The following CUX1 variants were observed in gnomAD, a reference collection of about 807,000 sequenced individuals.
CUX1 encodes the protein protein CASP.
CUX1 carries 31 observed loss-of-function variants against 158.8 expected under a neutral mutation model. That is an observed-to-expected ratio of 0.20 (90% CI 0.15 to 0.26). The LOEUF is 0.26. Among genes scored for constraint, CUX1 ranks in the 10% least tolerant of loss-of-function variants. The pLI is 1.00. For missense variants in CUX1, 1,589 were observed against 2,014.6 expected (o/e 0.79, Z 4.04); for synonymous variants, 879 against 862.1 (o/e 1.02, Z -0.34).
At chr7:101,881,233 A>G (rs1367593147) in intron 1 of CUX1, among the ~76,000 whole-genome samples, 1 of 152,264 alleles carries the variant, frequency 6.6e-6, no homozygotes, top group East Asian at 1.9e-4. Context: ...AATGATCTTA[A>G]TAACACATGA....
chr7:102,056,718 C>T (rs1824175287), intron 3 of CUX1, among the ~76,000 whole-genome samples: 1 of 150,690 alleles, frequency 6.6e-6, no homozygotes, highest in Admixed American at 6.6e-5. Context: ...TTACAGGCTC[C>T]CACCACCATG....
chr7:102,200,281 G>A, intron 17 of CUX1, 109 bp downstream of exon 17: 1 of 824,600 alleles, frequency 1.2e-6, no homozygotes, highest in Non-Finnish European at 1.9e-6. Context: ...AATAATGAAT[G>A]CCTGTTCTCA....
intron 1 of CUX1, among the ~76,000 whole-genome samples, chr7:101,886,650 C>T (rs865999764): frequency 1.3e-5 from 2 of 152,174 alleles, no homozygotes; most frequent in Admixed American, 6.5e-5. Flanking sequence ...AGGACCCACA[C>T]GTGCACTGCA....
chr7:102,278,372 C>A lies in CUX1; in HGVS notation c.1680+307C>A, dbSNP rs570466001. On this transcript the variant is annotated intron_variant, in intron 18 of 22. Transcript: ENST00000292538. ...TGGGAGGCCGAGGCAGGAGAATTGC[C>A]TGAGCTCAGAAGTTCGAGACCAGCC... Among the ~76,000 whole-genome samples, 5 of 152,004 alleles carry A rather than the reference C, an allele frequency of 3.3e-5. No homozygotes were observed. In the South Asian group the frequency reaches 1.0e-3, roughly 32 times the overall value.
intron 1 of CUX1, among the ~76,000 whole-genome samples, chr7:101,894,571 C>CA (rs1480395710): frequency 6.6e-6 from 1 of 152,204 alleles, no homozygotes; most frequent in East Asian, 1.9e-4. Context: ...CTCGGCCTCC[C>CA]AAAGTGCTGG....
intron 1 of CUX1, among the ~76,000 whole-genome samples, chr7:101,834,165 CTTTTTTTTTTTTT>C (rs575992276): frequency 1.5e-4 from 11 of 71,080 alleles, no homozygotes; most frequent in African/African-American, 5.2e-4. Context: ...CTGATTGTTT[CTTTTTTTTTTTTT>C]TTTTTTTTTT....
chr7:102,038,649 A>G lies in CUX1; in HGVS notation c.189+10504A>G, dbSNP rs569344127. ...TGACGCGGCAGTTTCACTCCTAAATATATACGCTAAAGAAACAAGCATGGC... is the reference window on the plus strand; with the variant it reads ...TGACGCGGCAGTTTCACTCCTAAATGTATACGCTAAAGAAACAAGCATGGC... On this transcript the variant is annotated intron_variant, in intron 3 of 23. Transcript: ENST00000292535. Among the ~76,000 whole-genome samples the G allele has an allele frequency of 2.0e-5, 3 of 152,274 alleles. No homozygotes were observed. The East Asian group carries it at 5.8e-4, about 29-fold the overall frequency.
At chr7:102,055,040 T>C (rs1823979043) in intron 3 of CUX1, among the ~76,000 whole-genome samples, 1 of 152,170 alleles carries the variant, frequency 6.6e-6, no homozygotes, top group African/African-American at 2.4e-5. Flanking sequence ...TTCGTGACTA[T>C]TGCCATCTTA....
At chr7:101,931,336 G>A (rs1806266973) in intron 2 of CUX1, among the ~76,000 whole-genome samples, 1 of 152,188 alleles carries the variant, frequency 6.6e-6, no homozygotes, top group South Asian at 2.1e-4. Flanking sequence ...ACTGTTGTGA[G>A]GGCTCAGTAA....
upstream of CUX1, chr7:101,816,836 G>GGCCGGCCCCGGCC (rs1791866380): frequency 2.4e-5 from 20 of 821,092 alleles, no homozygotes; most frequent in South Asian, 9.8e-4. Context: ...CGCTACCCCC[G>GGCCGGCCCCGGCC]GCCGGCCCCG....
Position 101,854,942 on chromosome 7 carries a change from C to G in CUX1, c.30+37273C>G, listed in dbSNP as rs536677796. On this transcript the variant is annotated intron_variant, in intron 1 of 23. Coordinates refer to ENST00000292535, the MANE Select transcript of CUX1 (RefSeq NM_181552.4). ...TATTTTTAGTAGAGGTGGGGTTTCACCAGGCTGGTCTCAAACTCCTGACCT... is the reference window on the plus strand; with the variant it reads ...TATTTTTAGTAGAGGTGGGGTTTCAGCAGGCTGGTCTCAAACTCCTGACCT... Among the ~76,000 whole-genome samples the G allele has an allele frequency of 1.5e-4, 23 of 152,302 alleles. 1 individual carries two copies. Among genetic ancestry groups the G allele is most frequent in the African/African-American group, 5.3e-4 (22 of 41,566 alleles).
intron 2 of CUX1, among the ~76,000 whole-genome samples, chr7:102,023,310 A>G (rs1819602357): frequency 6.6e-6 from 1 of 152,156 alleles, no homozygotes; most frequent in Admixed American, 6.5e-5. Context: ...TTTCCAGTTT[A>G]TGACCACAAA....
intron 8 of CUX1, among the ~76,000 whole-genome samples, chr7:102,151,081 G>C (rs2131500560): frequency 6.6e-6 from 1 of 152,312 alleles, no homozygotes; most frequent in East Asian, 1.9e-4. Flanking sequence ...GAATACTGTT[G>C]ACACTCACAC....
chr7:101,962,662 C>T, intron 2 of CUX1, among the ~76,000 whole-genome samples: 1 of 152,188 alleles, frequency 6.6e-6, no homozygotes, highest in South Asian at 2.1e-4. Context: ...GAATCCTCAA[C>T]TCCTCCCATT....
chr7:101,838,189 G>A (rs1301758201), intron 1 of CUX1, among the ~76,000 whole-genome samples: 1 of 151,232 alleles, frequency 6.6e-6, no homozygotes, highest in Non-Finnish European at 1.5e-5. Context: ...GAGTGCAGTG[G>A]CACAATCTCG....
intron 2 of CUX1, among the ~76,000 whole-genome samples, chr7:101,977,935 G>T (rs1320696708): frequency 1.3e-5 from 2 of 152,064 alleles, no homozygotes; most frequent in Non-Finnish European, 2.9e-5. Flanking sequence ...CTGAGCTCTT[G>T]AGAGCAGACC....
chr7:102,029,754 T>A (rs1209233353), intron 3 of CUX1, among the ~76,000 whole-genome samples: 1 of 152,188 alleles, frequency 6.6e-6, no homozygotes, highest in African/African-American at 2.4e-5. Context: ...AGGGCTTGGA[T>A]GGACTTGAAC....
intron 2 of CUX1, among the ~76,000 whole-genome samples, chr7:101,984,415 G>A (rs1813999285): frequency 6.7e-6 from 1 of 149,152 alleles, no homozygotes; most frequent in Non-Finnish European, 1.5e-5. Context: ...TCGATATACA[G>A]CCTAGTACAC....
chr7:102,255,286 T>G lies in CUX1; in HGVS notation c.*6244T>G. 4 of 985,076 alleles carry G rather than the reference T, an allele frequency of 4.1e-6. No homozygotes were observed. The highest frequency in any genetic ancestry group is 4.8e-6 in the Non-Finnish European group (4 of 829,918). 61.0% of individuals were successfully genotyped at this position (985,076 alleles called of 1,614,324 possible). Reference sequence around the variant, plus strand: ...TGGCATCATCTCGAGTTTTCATTTTTGGATGAAGTGACATTTAGCTTTAAC... The same window carrying G: ...TGGCATCATCTCGAGTTTTCATTTTGGGATGAAGTGACATTTAGCTTTAAC... On this transcript the variant is annotated 3_prime_UTR_variant, in exon 24 of 24. Coordinates refer to ENST00000292535, the MANE Select transcript of CUX1 (RefSeq NM_181552.4).
Sources: gnomAD v4.1 joint callset for allele counts (sites outside exome capture counted in the v4.1 genomes callset) on GRCh38, gnomAD v4.1.1 for gene constraint, MANE v1.5 for transcripts, NCBI Gene and HGNC (gene_info 2026-07-23, HGNC 2026-07-21) for gene names.